The following KMT2C variants were observed in gnomAD, a reference collection of about 807,000 sequenced individuals.
KMT2C encodes histone-lysine N-methyltransferase 2C.
Under a neutral mutation model 507.9 loss-of-function variants are expected in KMT2C, and 88 were observed. The observed-to-expected ratio is 0.17, with a 90% CI of 0.15 to 0.21. The LOEUF (loss-of-function observed/expected upper bound fraction) is 0.21. KMT2C is among the 10% of genes least tolerant of loss of function. The probability of loss-of-function intolerance (pLI) is 1.00; values close to 1 mark genes in which losing one functional copy is unlikely to be tolerated. For missense variants in KMT2C, 4,954 were observed against 5,957.8 expected (o/e 0.83, Z 5.55); for synonymous variants, 2,049 against 2,080.8 (o/e 0.98, Z 0.42).
intron 1 of KMT2C, among the ~76,000 whole-genome samples, chr7:152,372,486 T>C (rs1446931055): frequency 6.6e-6 from 1 of 152,116 alleles, no homozygotes; most frequent in African/African-American, 2.4e-5. Flanking sequence ...GATCCACCTA[T>C]ATGCTGCCTA....
chr7:152,299,737 T>C (rs1383611531), intron 6 of KMT2C, among the ~76,000 whole-genome samples: 1 of 151,722 alleles, frequency 6.6e-6, no homozygotes, highest in African/African-American at 2.4e-5. Flanking sequence ...TAAATGTACA[T>C]GGTCTAAATA....
chr7:152,299,161 T>A (rs954040306), intron 6 of KMT2C, among the ~76,000 whole-genome samples: 2 of 151,150 alleles, frequency 1.3e-5, no homozygotes, highest in Non-Finnish European at 2.9e-5. Context: ...CTACTAAAAA[T>A]ACAAAAATTA....
chr7:152,293,028 T>C (rs977640726), intron 6 of KMT2C, among the ~76,000 whole-genome samples: 1 of 152,172 alleles, frequency 6.6e-6, no homozygotes, highest in Non-Finnish European at 1.5e-5. Context: ...ATCTCTGCCA[T>C]AGGAAGAGGT....
chr7:152,152,989 A>G (rs367653276), intron 48 of KMT2C, 35 bp from the exon 49 acceptor site: 52 of 1,607,046 alleles, frequency 3.2e-5, no homozygotes, highest in Non-Finnish European at 4.3e-5. Flanking sequence ...TTATTCACCC[A>G]GAAGGCAACA....
chr7:152,426,633 G>C (rs2097822425), intron 1 of KMT2C, among the ~76,000 whole-genome samples: 9 of 152,068 alleles, frequency 5.9e-5, no homozygotes, highest in Admixed American at 5.9e-4. Context: ...ATGATTAGTG[G>C]CAATGACAGT....
chr7:152,183,491 G>A (rs1167333253), intron 34 of KMT2C, among the ~76,000 whole-genome samples: 1 of 152,204 alleles, frequency 6.6e-6, no homozygotes, highest in Admixed American at 6.5e-5. Flanking sequence ...GCCAGGCATG[G>A]TGGCTCATGC....
At chr7:152,261,120 C>T (rs2129171493) in intron 9 of KMT2C, among the ~76,000 whole-genome samples, 1 of 152,206 alleles carries the variant, frequency 6.6e-6, no homozygotes, top group Non-Finnish European at 1.5e-5. Context: ...ATTTTTATAA[C>T]ACAAAAGAAT....
chr7:152,389,820 T>C (rs2097475305), intron 1 of KMT2C, among the ~76,000 whole-genome samples: 1 of 152,160 alleles, frequency 6.6e-6, no homozygotes, highest in Non-Finnish European at 1.5e-5. Flanking sequence ...CTGGTCCATA[T>C]TTAAATCCTC....
intron 2 of KMT2C, among the ~76,000 whole-genome samples, chr7:152,349,869 C>G (rs561820829): frequency 6.6e-6 from 1 of 152,206 alleles, no homozygotes; most frequent in South Asian, 2.1e-4. Flanking sequence ...CTGAAAAAGG[C>G]TATGCACGTG....
At chr7:152,326,304 C>G (rs1280618011) in intron 3 of KMT2C, among the ~76,000 whole-genome samples, 1 of 152,114 alleles carries the variant, frequency 6.6e-6, no homozygotes, top group East Asian at 1.9e-4. Context: ...ACTGAATCCC[C>G]TAAAATGTGA....
At chr7:152,142,341 C>T (rs1009949456) in intron 55 of KMT2C, among the ~76,000 whole-genome samples, 4 of 152,192 alleles carry the variant, frequency 2.6e-5, no homozygotes, top group African/African-American at 9.6e-5. Flanking sequence ...TATGAATACG[C>T]AATTCCTATG....
intron 1 of KMT2C, among the ~76,000 whole-genome samples, chr7:152,366,447 T>C (rs2097244701): frequency 6.6e-6 from 1 of 152,002 alleles, no homozygotes; most frequent in South Asian, 2.1e-4. Flanking sequence ...TACTACAACA[T>C]AAATGAACCT....
In KMT2C at chr7:152,138,635, A is replaced by G; in HGVS notation, c.14643+161T>C. 1 of 540,352 alleles carries G rather than the reference A, an allele frequency of 1.9e-6. No homozygotes were observed. Among genetic ancestry groups the G allele is most frequent in the East Asian group, 3.2e-5 (1 of 30,810 alleles). The allele number at this position is 540,352 out of a possible 1,614,324, so 33.5% of individuals were successfully genotyped here. On this transcript the variant is annotated intron_variant, in intron 58 of 58. Transcript: ENST00000262189. The surrounding 1 kb of genome is among the most constrained non-coding windows in gnomAD (Gnocchi z 4.2). ...GGAGGAAGGTGAACTGGAGTGCCTGAAGGGTGAGATACTGCAGGGTGGGAA... is the reference window on the plus strand; with the variant it reads ...GGAGGAAGGTGAACTGGAGTGCCTGGAGGGTGAGATACTGCAGGGTGGGAA...
Position 152,248,528 on chromosome 7 carries a change from G to C in KMT2C, c.1906C>G (p.His636Asp). The C allele has an allele frequency of 6.2e-7, 1 of 1,613,894 alleles. No individual in the cohort carries two copies. The highest frequency in any genetic ancestry group is 8.5e-7 in the Non-Finnish European group (1 of 1,179,872). Reference sequence around the variant, plus strand: ...TCAATTTGATCTTCGCCACAAATATGCTTCACTTCAGAAGACATTTTCAGG... The same window carrying C: ...TCAATTTGATCTTCGCCACAAATATCCTTCACTTCAGAAGACATTTTCAGG... Reference protein sequence around the residue: ...EDLKMSSEVKHICGEDQIEDK... With the variant: ...EDLKMSSEVKDICGEDQIEDK... Residue 636 changes from histidine to aspartate, a missense_variant, in exon 14 of 59, where the codon CAT becomes GAT. Around this residue, in one of 29 missense-constraint regions of KMT2C, gnomAD observed 376 missense variants for 352.4 expected, o/e 1.07. Coordinates refer to ENST00000262189, the MANE Select transcript of KMT2C (RefSeq NM_170606.3).
At chr7:152,430,954 T>C (rs2097857939) in intron 1 of KMT2C, among the ~76,000 whole-genome samples, 2 of 152,132 alleles carry the variant, frequency 1.3e-5, no homozygotes, top group Non-Finnish European at 2.9e-5. Context: ...ACAACCACTA[T>C]CTACCCAGAG....
At chr7:152,147,948 C>A in intron 52 of KMT2C, 85 bp downstream of exon 52, 2 of 1,392,888 alleles carry the variant, frequency 1.4e-6, no homozygotes, top group Admixed American at 2.4e-5. Flanking sequence ...TAACATGAGA[C>A]AAACATGGAA....
Position 152,181,565 on chromosome 7 carries a change from G to C in KMT2C, c.6295C>G (p.Leu2099Val). Residue 2099 changes from leucine to valine, a missense_variant, in exon 36 of 59, where the codon CTT (leucine) becomes GTT (valine). Physicochemically the swap from Leu to Val is conservative, Grantham distance 32. This residue lies in a region of KMT2C where 1,689 missense variants were observed against 1,654.3 expected (regional missense o/e 1.02). Transcript: ENST00000262189. ...TCATTCACTGCTGGATGTGGGGTAA[G>C]GGGAGGCTGACTATATGGATCATTT... ...QSNDPYSQPP[L>V]TPHPAVNESF... 2 of 1,614,096 alleles carry C rather than the reference G, an allele frequency of 1.2e-6. No individual in the cohort carries two copies. The highest frequency in any genetic ancestry group is 1.7e-6 in the Non-Finnish European group (2 of 1,180,008).
intron 3 of KMT2C, among the ~76,000 whole-genome samples, chr7:152,327,204 T>C (rs560645953): frequency 2.0e-5 from 3 of 152,256 alleles, no homozygotes; most frequent in Non-Finnish European, 4.4e-5. Flanking sequence ...TAGCCAATTA[T>C]TGAGTGACCT....
intron 50 of KMT2C, 36 bp downstream of exon 50, chr7:152,151,406 G>A: frequency 1.9e-6 from 3 of 1,609,644 alleles, no homozygotes; most frequent in Non-Finnish European, 2.5e-6. Flanking sequence ...TTCGCTGGAG[G>A]TAGGAGGTGG....
Sources: allele counts gnomAD v4.1 joint callset (sites outside exome capture counted in the v4.1 genomes callset), GRCh38; gene constraint gnomAD v4.1.1; regional missense constraint gnomAD v4.1.1; non-coding constraint Gnocchi (gnomAD v3.1); transcripts MANE v1.5; gene names NCBI Gene and HGNC (gene_info 2026-07-23, HGNC 2026-07-21).